Variants in TENM3 observed in about 807,000 individuals in gnomAD.
TENM3 encodes the protein teneurin transmembrane protein 3.
A neutral mutation model predicts 255.1 loss-of-function variants in TENM3; 63 were observed. The ratio of observed to expected loss-of-function variants is 0.25; its 90% CI spans 0.20 to 0.30. TENM3 has a LOEUF of 0.30. Among genes scored for constraint, TENM3 ranks in the 10% least tolerant of loss-of-function variants. The probability of loss-of-function intolerance (pLI) is 1.00; values close to 1 mark genes in which losing one functional copy is unlikely to be tolerated. For synonymous variants in TENM3, 1,306 were observed against 1,322.3 expected (o/e 0.99, Z 0.27); for missense variants, 2,929 against 3,461.1 (o/e 0.85, Z 3.86).
At chr4:182,230,241 T>G (rs1449733059) in intron 1 of TENM3, among the ~76,000 whole-genome samples, 2 of 151,746 alleles carry the variant, frequency 1.3e-5, no homozygotes, top group African/African-American at 4.8e-5. Context: ...CGAAGCCCCA[T>G]GAAGCGCAAA....
At chr4:182,244,892 A>G (rs1428734939) in intron 1 of TENM3, among the ~76,000 whole-genome samples, 1 of 152,210 alleles carries the variant, frequency 6.6e-6, no homozygotes, top group Non-Finnish European at 1.5e-5. Context: ...GATGTTATTT[A>G]TGTTCTAATT....
the TENM3 span, among the ~76,000 whole-genome samples, chr4:181,712,104 CA>C: frequency 6.6e-6 from 1 of 152,092 alleles, no homozygotes; most frequent in Non-Finnish European, 1.5e-5. Context: ...CACTCCTCCC[CA>C]ACCCCAGCCA....
At chr4:182,272,499 C>CA (rs1759710244) in intron 1 of TENM3, among the ~76,000 whole-genome samples, 1 of 152,134 alleles carries the variant, frequency 6.6e-6, no homozygotes, top group African/African-American at 2.4e-5. Context: ...CCTCTGAGAA[C>CA]AAGGGCAGAA....
the TENM3 span, among the ~76,000 whole-genome samples, chr4:181,557,953 A>G: frequency 1.1e-3 from 164 of 152,354 alleles, no homozygotes; most frequent in Admixed American, 2.0e-3. Context: ...ATCGAAGCCT[A>G]AAGTGTTACA....
At chr4:181,888,498 A>ATG in the TENM3 span, among the ~76,000 whole-genome samples, 91 of 20,714 alleles carry the variant, frequency 4.4e-3, 4 homozygotes, top group African/African-American at 0.017. Context: ...AAATGTGTAT[A>ATG]TATATATATA....
chr4:182,226,369 T>G (rs1179016289), intron 1 of TENM3, among the ~76,000 whole-genome samples: 3 of 152,174 alleles, frequency 2.0e-5, no homozygotes, highest in Admixed American at 6.5e-5. Flanking sequence ...TGCCTCAATC[T>G]AGGCACCAAA....
chr4:182,009,208 C>T, the TENM3 span, among the ~76,000 whole-genome samples: 1 of 152,036 alleles, frequency 6.6e-6, no homozygotes, highest in Admixed American at 6.5e-5. Context: ...AGGGTCTCAT[C>T]CAGTTGGGTG....
the TENM3 span, among the ~76,000 whole-genome samples, chr4:181,922,250 A>G: frequency 6.6e-6 from 1 of 152,236 alleles, no homozygotes; most frequent in Non-Finnish European, 1.5e-5. Flanking sequence ...TGGCCTCACA[A>G]AATGAGTTAG....
At chr4:182,533,891 A>G (rs747229207) in intron 3 of TENM3, among the ~76,000 whole-genome samples, 1 of 152,026 alleles carries the variant, frequency 6.6e-6, no homozygotes, top group Non-Finnish European at 1.5e-5. Flanking sequence ...CCTGGGCGAC[A>G]GAGCAAGACT....
At chr4:182,434,518 C>T (rs1204436861) in intron 3 of TENM3, among the ~76,000 whole-genome samples, 1 of 151,796 alleles carries the variant, frequency 6.6e-6, no homozygotes, top group Non-Finnish European at 1.5e-5. Flanking sequence ...CAAAAATTAG[C>T]CGAGCGTGAT....
At chr4:181,772,527 T>C in the TENM3 span, among the ~76,000 whole-genome samples, 363 of 152,338 alleles carry the variant, frequency 2.4e-3, no homozygotes, top group Non-Finnish European at 4.5e-3. Flanking sequence ...TTTAAAAAAA[T>C]GTTAATGTGT....
At chr4:181,765,322 A>T in the TENM3 span, among the ~76,000 whole-genome samples, 1 of 152,162 alleles carries the variant, frequency 6.6e-6, no homozygotes, top group Non-Finnish European at 1.5e-5. Flanking sequence ...TGTGATGTGA[A>T]GTCCTTTGAG....
At chr4:181,898,596 A>G in the TENM3 span, among the ~76,000 whole-genome samples, 1 of 152,016 alleles carries the variant, frequency 6.6e-6, no homozygotes, top group Non-Finnish European at 1.5e-5. Context: ...ACTCCCCCCA[A>G]CTCATTAAGC....
intron 3 of TENM3, among the ~76,000 whole-genome samples, chr4:182,427,316 C>T (rs1771297334): frequency 2.6e-5 from 4 of 152,096 alleles, no homozygotes; most frequent in Admixed American, 6.6e-5. Context: ...TTCCAGAATA[C>T]AGAGGGAAAA....
chr4:181,874,134 G>T, the TENM3 span, among the ~76,000 whole-genome samples: 1 of 151,874 alleles, frequency 6.6e-6, no homozygotes, highest in African/African-American at 2.4e-5. Context: ...GGCCAGGCTG[G>T]TCTCAAACTC....
At chr4:182,662,594 C>G (rs929682702) in intron 6 of TENM3, among the ~76,000 whole-genome samples, 2 of 152,080 alleles carry the variant, frequency 1.3e-5, no homozygotes, top group Non-Finnish European at 2.9e-5. Context: ...GGTTCAGGCT[C>G]TAGGGCTTTA....
At chr4:182,436,414 G>T (rs565789348) in intron 3 of TENM3, among the ~76,000 whole-genome samples, 2 of 152,256 alleles carry the variant, frequency 1.3e-5, no homozygotes, top group African/African-American at 4.8e-5. Context: ...AGTAAGCTTC[G>T]AGTTCCTTTT....
intron 12 of TENM3, among the ~76,000 whole-genome samples, chr4:182,689,438 C>T (rs1485675956): frequency 6.6e-6 from 1 of 152,166 alleles, no homozygotes; most frequent in Non-Finnish European, 1.5e-5. Flanking sequence ...TTATACACTT[C>T]ATGTAAGTTT....
At chr4:182,196,159 C>T (rs947301554) in intron 1 of TENM3, among the ~76,000 whole-genome samples, 1 of 152,232 alleles carries the variant, frequency 6.6e-6, no homozygotes, top group African/African-American at 2.4e-5. Context: ...CCCACGCCAT[C>T]CCCCGTGCGG....
Sources: allele counts gnomAD v4.1 joint callset (sites outside exome capture counted in the v4.1 genomes callset), GRCh38; gene constraint gnomAD v4.1.1; transcripts MANE v1.5; gene names NCBI Gene and HGNC (gene_info 2026-07-23, HGNC 2026-07-21).